The following NID2 variants were observed in gnomAD, a reference collection of about 807,000 sequenced individuals.
NID2 encodes the protein nidogen-2.
Under a neutral mutation model 145.4 loss-of-function variants are expected in NID2, and 83 were observed. The ratio of observed to expected loss-of-function variants is 0.57; its 90% CI spans 0.48 to 0.69. The LOEUF (loss-of-function observed/expected upper bound fraction) is 0.69, where lower values mean the gene tolerates loss of function less well. NID2 is among the 30% of genes least tolerant of loss of function. The pLI is 0.00. For synonymous variants in NID2, 739 were observed against 701.3 expected (o/e 1.05, Z -0.85); for missense variants, 1,807 against 1,765.7 (o/e 1.02, Z -0.42).
chr14:52,054,375 C>T, intron 3 of NID2, 54 bp from the exon 4 acceptor site: 5 of 1,530,122 alleles, frequency 3.3e-6, no homozygotes, highest in Admixed American at 1.9e-5. Flanking sequence ...TGTCCATTCA[C>T]CCACCTTCCT....
At position 52,060,231 on chromosome 14, in the gene NID2, C is replaced by T. The variant is rs112074664; in HGVS notation, c.660G>A (p.Gln220=). ...GGCAGAAGCCCACCCGAGCTGGAAGCTGAAGCTGGACATTGTAAGACTCTT... is the reference window on the plus strand; with the variant it reads ...GGCAGAAGCCCACCCGAGCTGGAAGTTGAAGCTGGACATTGTAAGACTCTT... The part of the protein sequence containing the change: ...RPKESYNVQL[Q]LPARVGFCRG... The change falls in exon 3 of 22, where the codon CAG becomes CAA. Residue 220 remains glutamine, a synonymous_variant. Transcript: ENST00000216286. 1.5e-3 allele frequency: 2,357 copies of T among 1,614,012 alleles called. 37 individuals are homozygous for T. In the African/African-American group the frequency reaches 0.024, roughly 16 times the overall value.
At chr14:52,029,304 C>T (rs1276486885) in intron 10 of NID2, among the ~76,000 whole-genome samples, 1 of 152,222 alleles carries the variant, frequency 6.6e-6, no homozygotes, top group Non-Finnish European at 1.5e-5. Context: ...CATCCAGGAA[C>T]TGCAACAGAT....
At chr14:52,049,117 T>G (rs879935146) in intron 5 of NID2, among the ~76,000 whole-genome samples, 1 of 152,238 alleles carries the variant, frequency 6.6e-6, no homozygotes, top group Non-Finnish European at 1.5e-5. Flanking sequence ...CATGGATTTG[T>G]TAACTGAGGT....
At position 52,015,123 on chromosome 14, in the gene NID2, A is replaced by G; in HGVS notation, c.3181T>C (p.Cys1061Arg). 6.2e-7 allele frequency: 1 copy of G among 1,614,090 alleles called. No homozygotes were observed. The change falls in exon 15 of 22, where the codon TGC becomes CGC. Residue 1061 changes from cysteine to arginine, a missense_variant. Transcript: ENST00000216286. The part of the protein sequence containing the change: ...PLQCHGKSDF[C>R]WCVDKDGREV... Reference sequence around the variant, plus strand: ...CTGCCATCTTTGTCCACACACCAGCAGAAGTCGCTCTTTCCGTGGCACTGC... The same window carrying G: ...CTGCCATCTTTGTCCACACACCAGCGGAAGTCGCTCTTTCCGTGGCACTGC...
intron 2 of NID2, among the ~76,000 whole-genome samples, chr14:52,061,303 T>A (rs1448677122): frequency 6.6e-6 from 1 of 152,218 alleles, no homozygotes; most frequent in Non-Finnish European, 1.5e-5. Context: ...TTTATGGGCA[T>A]CTCTAGTGAG....
chr14:52,054,659 G>T (rs1044957220), intron 3 of NID2, among the ~76,000 whole-genome samples: 2 of 152,152 alleles, frequency 1.3e-5, no homozygotes, highest in Admixed American at 6.5e-5. Flanking sequence ...AGTGGGCTTT[G>T]GTTGCAACCA....
At chr14:52,048,476 C>T (rs944970422) in intron 5 of NID2, among the ~76,000 whole-genome samples, 1 of 152,022 alleles carries the variant, frequency 6.6e-6, no homozygotes, top group Non-Finnish European at 1.5e-5. Flanking sequence ...TGGATCCCAG[C>T]TAGATGAGAT....
chr14:52,028,419 C>T (rs1183869129), intron 11 of NID2, among the ~76,000 whole-genome samples: 1 of 152,104 alleles, frequency 6.6e-6, no homozygotes, highest in Non-Finnish European at 1.5e-5. Context: ...GGACTACAGG[C>T]GTGTGCCACC....
intron 14 of NID2, among the ~76,000 whole-genome samples, chr14:52,018,008 G>A (rs566023371): frequency 6.6e-5 from 10 of 152,172 alleles, no homozygotes; most frequent in Non-Finnish European, 1.0e-4. Context: ...TAGTAGAGAC[G>A]GGGTTTCACT....
chr14:52,054,085 G>A lies in NID2; in HGVS notation c.1004C>T (p.Ala335Val), dbSNP rs541713147. The A allele has an allele frequency of 5.0e-6, 8 of 1,614,190 alleles. No individual in the cohort carries two copies. The African/African-American group carries it at 8.0e-5, about 16-fold the overall frequency. ...AEYLPGEPEE[A>V]LNGHSSIDVS... ...ATCAATGCTGCTGTGGCCATTCAATGCCTCCTCTGGTTCACCCGGAAGGTA... is the reference window on the plus strand; with the variant it reads ...ATCAATGCTGCTGTGGCCATTCAATACCTCCTCTGGTTCACCCGGAAGGTA... Residue 335 changes from alanine to valine, a missense_variant, in exon 4 of 22, where the codon GCA becomes GTA. Physicochemically the swap from Ala to Val is moderately conservative, Grantham distance 64. Transcript: ENST00000216286.
At chr14:52,019,442 C>T (rs1177937679) in intron 13 of NID2, 148 bp from the exon 14 acceptor site, 9 of 615,262 alleles carry the variant, frequency 1.5e-5, no homozygotes, top group African/African-American at 3.7e-5. Context: ...CACTATTTAC[C>T]TCATTTCTCT....
intron 7 of NID2, among the ~76,000 whole-genome samples, chr14:52,041,148 C>G (rs1428317008): frequency 6.6e-6 from 1 of 150,440 alleles, no homozygotes; most frequent in Non-Finnish European, 1.5e-5. Flanking sequence ...CTAGACTTAG[C>G]AAAAAACAAA....
intron 8 of NID2, 91 bp downstream of exon 8, chr14:52,040,560 G>T: frequency 9.3e-7 from 1 of 1,074,298 alleles, no homozygotes; most frequent in Non-Finnish European, 1.4e-6. Flanking sequence ...CTGTTCTAAG[G>T]ACATGCCATG....
intron 5 of NID2, among the ~76,000 whole-genome samples, chr14:52,053,145 C>G (rs1383021574): frequency 6.6e-6 from 1 of 152,226 alleles, no homozygotes; most frequent in Non-Finnish European, 1.5e-5. Flanking sequence ...TGTCTCACAA[C>G]AGAGTATGAA....
chr14:52,059,885 C>A (rs1183162341), intron 3 of NID2, among the ~76,000 whole-genome samples: 1 of 152,186 alleles, frequency 6.6e-6, no homozygotes, highest in Non-Finnish European at 1.5e-5. Context: ...TACAAATACA[C>A]ACACATACTG....
At chr14:52,064,810 TC>T (rs1893132908) in intron 2 of NID2, among the ~76,000 whole-genome samples, 1 of 152,194 alleles carries the variant, frequency 6.6e-6, no homozygotes, top group Non-Finnish European at 1.5e-5. Context: ...CAATATCCAT[TC>T]TTTTTAGCCC....
chr14:52,029,256 T>A (rs938599374), intron 10 of NID2, among the ~76,000 whole-genome samples: 2 of 152,164 alleles, frequency 1.3e-5, no homozygotes, highest in Non-Finnish European at 2.9e-5. Context: ...AAGAACTACT[T>A]ACTACAAAAG....
At chr14:52,047,976 C>T (rs977609345) in intron 5 of NID2, among the ~76,000 whole-genome samples, 37 of 151,962 alleles carry the variant, frequency 2.4e-4, no homozygotes, top group Non-Finnish European at 1.9e-4. Context: ...GTTCCACTCT[C>T]TGGGTGCATC....
chr14:52,005,879 G>T, intron 20 of NID2, 30 bp from the exon 21 acceptor site: 1 of 1,503,752 alleles, frequency 6.7e-7, no homozygotes, highest in African/African-American at 1.4e-5. Context: ...GTGAATTCAG[G>T]GACAGTCATT....
Sources: allele counts gnomAD v4.1 joint callset (sites outside exome capture counted in the v4.1 genomes callset), GRCh38; gene constraint gnomAD v4.1.1; transcripts MANE v1.5; gene names NCBI Gene and HGNC (gene_info 2026-07-23, HGNC 2026-07-21).